TRIQK: variants seen among roughly 807,000 people sequenced by gnomAD.
The protein encoded by TRIQK is triple QxxK/R motif containing, also known as triple QxxK/R motif-containing protein.
A neutral mutation model predicts 10.8 loss-of-function variants in TRIQK; 10 were observed. The ratio of observed to expected loss-of-function variants is 0.92; its 90% confidence interval spans 0.57 to 1.57. The LOEUF (loss-of-function observed/expected upper bound fraction) is 1.57. TRIQK is among the 40% of genes most tolerant of loss of function. The pLI is 0.00. For synonymous variants in TRIQK, 33 were observed against 33.7 expected, an observed-to-expected ratio of 0.98 and a Z score of 0.07; for missense variants, 107 against 97.7, an observed-to-expected ratio of 1.09 and a Z score of -0.40.
At chr8:92,924,846 G>T (rs192382262) in intron 2 of TRIQK, among the ~76,000 whole-genome samples, 4 of 151,830 alleles carry the variant, frequency 2.6e-5, no homozygotes, top group Middle Eastern at 3.2e-3. Context: ...GAACAAATTC[G>T]TACTGTATAA....
In TRIQK at chr8:92,965,677, C is replaced by G. The variant is rs1320515476; in HGVS notation, c.-181+330G>C. Reference sequence around the variant, plus strand: ...GGCCCAGCGGCTGGCGCCAGACACGCTGGCAGGGCGGGAACCGCGCGTTCC... The same window carrying G: ...GGCCCAGCGGCTGGCGCCAGACACGGTGGCAGGGCGGGAACCGCGCGTTCC... On this transcript the variant is annotated intron_variant, in intron 1 of 4. Transcript: ENST00000521988. 4 of 152,574 alleles carry G rather than the reference C, an allele frequency of 2.6e-5. No homozygotes were observed. In the South Asian group the frequency reaches 6.2e-4, roughly 24 times the overall value. 9.5% of individuals were successfully genotyped at this position (152,574 alleles called of 1,614,324 possible).
intron 3 of TRIQK, among the ~76,000 whole-genome samples, chr8:92,893,037 C>G (rs1305553233): frequency 6.6e-6 from 1 of 151,556 alleles, no homozygotes; most frequent in African/African-American, 2.4e-5. Context: ...TCATCTTTTC[C>G]CCTTCCTTTC....
At chr8:92,886,770 G>T in intron 4 of TRIQK, 35 bp from the exon 5 acceptor site, 1 of 1,178,068 alleles carries the variant, frequency 8.5e-7, no homozygotes, top group South Asian at 1.3e-5. Flanking sequence ...TGAAATTGAT[G>T]AAAAAAGATT....
At chr8:92,957,951 T>C (rs542226896) in intron 1 of TRIQK, among the ~76,000 whole-genome samples, 16 of 152,038 alleles carry the variant, frequency 1.1e-4, no homozygotes, top group South Asian at 4.1e-4. Flanking sequence ...AGTATAATCA[T>C]AGAATTAAAG....
intron 1 of TRIQK, among the ~76,000 whole-genome samples, chr8:93,017,141 GAGAGAGAGA>G (rs1563458107): frequency 6.7e-6 from 1 of 148,246 alleles, no homozygotes; most frequent in East Asian, 2.0e-4. Context: ...GAGAGAGAGA[GAGAGAGAGA>G]GAGAGAGAGA....
intron 3 of TRIQK, among the ~76,000 whole-genome samples, chr8:92,911,731 G>A (rs916455222): frequency 7.3e-5 from 11 of 150,536 alleles, no homozygotes; most frequent in African/African-American, 2.7e-4. Context: ...AAGATATAAT[G>A]ATTATAAATT....
At chr8:92,923,084 G>A (rs1486170528) in intron 2 of TRIQK, among the ~76,000 whole-genome samples, 1 of 151,630 alleles carries the variant, frequency 6.6e-6, no homozygotes, top group Non-Finnish European at 1.5e-5. Flanking sequence ...ACACATTGAG[G>A]CTATTTTAAA....
intron 1 of TRIQK, among the ~76,000 whole-genome samples, chr8:92,962,697 T>C (rs1379753675): frequency 6.6e-6 from 1 of 152,152 alleles, no homozygotes; most frequent in African/African-American, 2.4e-5. Context: ...AAAAGAGACG[T>C]ATCTGACCGG....
At position 92,886,445 on chromosome 8, in the gene TRIQK, A is replaced by C. The variant is rs1816481491; in HGVS notation, c.*177T>G. The C allele has an allele frequency of 2.0e-6, 1 of 506,876 alleles. No individual in the cohort carries two copies. Among genetic ancestry groups the C allele is most frequent in the African/African-American group, 2.0e-5 (1 of 50,742 alleles). 31.4% of individuals were successfully genotyped at this position (506,876 alleles called of 1,614,324 possible). A position where few individuals can be genotyped will look rare whatever the true frequency, so the allele number is the denominator to read the frequency against. On this transcript the variant is annotated 3_prime_UTR_variant, in exon 5 of 5. Coordinates refer to ENST00000521988, the MANE Select transcript of TRIQK (RefSeq NM_001171797.2). ...TATCCAGTAGCACATACTATACTGC[A>C]TTGCTAGGTAAGGTTCTTTTCCTGA...
intron 1 of TRIQK, among the ~76,000 whole-genome samples, chr8:93,004,957 A>T (rs1813253330): frequency 6.6e-6 from 1 of 152,226 alleles, no homozygotes; most frequent in African/African-American, 2.4e-5. Context: ...GAAGTTCCAG[A>T]CTTTCCCTCA....
intron 1 of TRIQK, among the ~76,000 whole-genome samples, chr8:92,996,121 T>C (rs949629015): frequency 1.3e-5 from 2 of 152,062 alleles, no homozygotes; most frequent in African/African-American, 4.8e-5. Flanking sequence ...ATTTTTACTT[T>C]CTTAATTAAA....
intron 1 of TRIQK, among the ~76,000 whole-genome samples, chr8:92,955,515 G>GA (rs1171577425): frequency 6.6e-6 from 1 of 151,628 alleles, no homozygotes; most frequent in Non-Finnish European, 1.5e-5. Context: ...CTTTGAGTTT[G>GA]AAAATAGTCT....
intron 3 of TRIQK, among the ~76,000 whole-genome samples, chr8:92,896,444 G>A (rs1808602919): frequency 6.6e-6 from 1 of 152,176 alleles, no homozygotes; most frequent in Admixed American, 6.5e-5. Context: ...CTAGGGCAAT[G>A]CCTAGTGAAG....
At chr8:92,891,338 G>A (rs1340643007) in intron 4 of TRIQK, among the ~76,000 whole-genome samples, 1 of 151,852 alleles carries the variant, frequency 6.6e-6, no homozygotes, top group Non-Finnish European at 1.5e-5. Flanking sequence ...TAGTAGAGTT[G>A]CCAAATTAAT....
intron 1 of TRIQK, among the ~76,000 whole-genome samples, chr8:92,997,389 C>A (rs1813162976): frequency 1.3e-5 from 2 of 152,032 alleles, no homozygotes; most frequent in Non-Finnish European, 2.9e-5. Context: ...ACCCTATCAA[C>A]CTCAGAAGGC....
chr8:92,957,540 C>CG (rs1264928923), intron 1 of TRIQK, among the ~76,000 whole-genome samples: 1 of 151,720 alleles, frequency 6.6e-6, no homozygotes, highest in Non-Finnish European at 1.5e-5. Flanking sequence ...TCCAAACAAA[C>CG]GTATTAATTT....
intron 4 of TRIQK, among the ~76,000 whole-genome samples, chr8:92,890,867 A>C (rs1816731344): frequency 6.6e-6 from 1 of 151,978 alleles, no homozygotes; most frequent in South Asian, 2.1e-4. Context: ...AATTTAAAAA[A>C]ATCTCAACAC....
intron 1 of TRIQK, chr8:92,974,644 C>G (rs1033134959): frequency 1.3e-5 from 2 of 152,232 alleles, no homozygotes; most frequent in African/African-American, 4.8e-5. Flanking sequence ...GTTGAAGGAG[C>G]TCCATCACAT....
At chr8:92,925,843 G>A (rs994931853) in intron 2 of TRIQK, among the ~76,000 whole-genome samples, 1 of 152,124 alleles carries the variant, frequency 6.6e-6, no homozygotes, top group African/African-American at 2.4e-5. Flanking sequence ...TCTATTCTCA[G>A]ATATTTATGT....
Sources: allele counts gnomAD v4.1 joint callset (sites outside exome capture counted in the v4.1 genomes callset), GRCh38; gene constraint gnomAD v4.1.1; transcripts MANE v1.5; gene names NCBI Gene and HGNC (gene_info 2026-07-23, HGNC 2026-07-21).